Variants in CDH18 observed in about 807,000 individuals in gnomAD.
CDH18 encodes cadherin-18.
CDH18 carries 31 observed loss-of-function variants against 67.9 expected under a neutral mutation model. That is an observed-to-expected ratio of 0.46 (90% CI 0.34 to 0.62). The LOEUF is 0.62. Ranked by LOEUF, CDH18 falls within the 20% of genes least tolerant of loss-of-function variation. CDH18 has a pLI of 0.01. For missense variants in CDH18, 890 were observed against 975.5 expected (o/e 0.91, Z 1.17); for synonymous variants, 362 against 347.2 (o/e 1.04, Z -0.48).
At chr5:19,918,844 C>T (rs1264999736) in intron 2 of CDH18, among the ~76,000 whole-genome samples, 1 of 152,028 alleles carries the variant, frequency 6.6e-6, no homozygotes, top group Non-Finnish European at 1.5e-5. Flanking sequence ...AGGTGATAAG[C>T]GTGTCTTTTA....
intron 3 of CDH18, among the ~76,000 whole-genome samples, chr5:19,794,562 T>C (rs1443198964): frequency 3.3e-5 from 5 of 152,060 alleles, no homozygotes; most frequent in African/African-American, 1.2e-4. Context: ...CCTTTTTTTC[T>C]CTCCCTCTCT....
intron 2 of CDH18, among the ~76,000 whole-genome samples, chr5:19,948,014 C>T (rs1485442276): frequency 3.9e-5 from 6 of 152,026 alleles, no homozygotes; most frequent in Non-Finnish European, 8.8e-5. Context: ...ACAGTGAGTA[C>T]GTAAGCATTG....
chr5:20,421,759 A>G (rs1747879069), intron 1 of CDH18, among the ~76,000 whole-genome samples: 2 of 150,800 alleles, frequency 1.3e-5, no homozygotes, highest in South Asian at 4.1e-4. Context: ...GGAACAAAGT[A>G]AAATAATGAA....
chr5:20,152,939 A>ATTTT (rs34475393), intron 2 of CDH18, among the ~76,000 whole-genome samples: 2 of 125,894 alleles, frequency 1.6e-5, no homozygotes, highest in African/African-American at 3.0e-5. Flanking sequence ...AGGATGAGGA[A>ATTTT]TTTTTTTTTT....
At chr5:19,769,159 G>A (rs570287334) in intron 3 of CDH18, among the ~76,000 whole-genome samples, 6 of 152,078 alleles carry the variant, frequency 3.9e-5, no homozygotes, top group East Asian at 3.9e-4. Context: ...ATATAAAGCC[G>A]CAAAACTTTC....
intron 2 of CDH18, among the ~76,000 whole-genome samples, chr5:20,134,128 C>T (rs1398362035): frequency 6.6e-6 from 1 of 152,088 alleles, no homozygotes; most frequent in African/African-American, 2.4e-5. Context: ...TGTCACCACA[C>T]TAGGCTAATT....
intron 3 of CDH18, among the ~76,000 whole-genome samples, chr5:19,774,014 T>G (rs948264357): frequency 1.3e-5 from 2 of 152,178 alleles, no homozygotes; most frequent in Non-Finnish European, 2.9e-5. Flanking sequence ...ACTCTACTAT[T>G]TCTCTATATA....
intron 11 of CDH18, among the ~76,000 whole-genome samples, chr5:19,494,625 TC>T (rs1340273289): frequency 3.3e-5 from 5 of 152,190 alleles, no homozygotes; most frequent in African/African-American, 1.2e-4. Context: ...GTTCAATATG[TC>T]CTAATTCATA....
chr5:19,548,729 G>A (rs1342520149), intron 8 of CDH18, among the ~76,000 whole-genome samples: 2 of 151,290 alleles, frequency 1.3e-5, no homozygotes, highest in Non-Finnish European at 2.9e-5. Context: ...TACAATCTAG[G>A]TCTACTGAGT....
chr5:20,485,566 T>C (rs1753112209), intron 1 of CDH18, among the ~76,000 whole-genome samples: 1 of 152,136 alleles, frequency 6.6e-6, no homozygotes, highest in African/African-American at 2.4e-5. Context: ...GTTCATCTAA[T>C]AAATTTCCTC....
At chr5:20,365,089 G>A (rs1028527227) in intron 1 of CDH18, among the ~76,000 whole-genome samples, 1 of 152,152 alleles carries the variant, frequency 6.6e-6, no homozygotes, top group Non-Finnish European at 1.5e-5. Context: ...TCACAGACCG[G>A]ATGATTTAAA....
intron 6 of CDH18, among the ~76,000 whole-genome samples, chr5:19,608,163 T>G (rs10941384): frequency 6.6e-6 from 1 of 151,636 alleles, no homozygotes; most frequent in African/African-American, 2.4e-5. Context: ...AATTTACATA[T>G]GTAGAATACT....
intron 9 of CDH18, among the ~76,000 whole-genome samples, chr5:19,542,461 C>T (rs1750427835): frequency 6.6e-6 from 1 of 152,028 alleles, no homozygotes; most frequent in Non-Finnish European, 1.5e-5. Context: ...TACTTTTACA[C>T]CAATGCCTAC....
At chr5:20,329,968 C>T (rs116302711) in intron 1 of CDH18, among the ~76,000 whole-genome samples, 2,105 of 151,638 alleles carry the variant, frequency 0.014, 55 homozygotes, top group African/African-American at 0.048. Flanking sequence ...TACATTTTTC[C>T]TAGAGAGAAG....
chr5:20,149,299 C>T (rs1255503107), intron 2 of CDH18, among the ~76,000 whole-genome samples: 1 of 152,084 alleles, frequency 6.6e-6, no homozygotes, highest in Non-Finnish European at 1.5e-5. Flanking sequence ...ATTTTCCATG[C>T]CAATAAATCC....
intron 3 of CDH18, among the ~76,000 whole-genome samples, chr5:19,755,254 A>G (rs1378057512): frequency 1.3e-5 from 2 of 150,530 alleles, no homozygotes; most frequent in Admixed American, 1.3e-4. Context: ...TCGAAGAAAT[A>G]AATAAAATTG....
intron 1 of CDH18, among the ~76,000 whole-genome samples, chr5:20,429,338 G>T (rs1748563989): frequency 6.6e-6 from 1 of 152,116 alleles, no homozygotes; most frequent in South Asian, 2.1e-4. Context: ...CAGAGAGAAA[G>T]AGGAGAATAA....
At chr5:20,176,713 C>T (rs534831427) in intron 2 of CDH18, among the ~76,000 whole-genome samples, 2 of 152,098 alleles carry the variant, frequency 1.3e-5, no homozygotes, top group Non-Finnish European at 2.9e-5. Flanking sequence ...TATAATTTTA[C>T]AAGACAGATG....
intron 5 of CDH18, among the ~76,000 whole-genome samples, chr5:19,661,087 C>G (rs1478029724): frequency 6.6e-6 from 1 of 151,838 alleles, no homozygotes; most frequent in Non-Finnish European, 1.5e-5. Flanking sequence ...AACAGTAGAT[C>G]TTGTGACAAG....
Sources: allele counts gnomAD v4.1 joint callset (sites outside exome capture counted in the v4.1 genomes callset), GRCh38; gene constraint gnomAD v4.1.1; transcripts MANE v1.5; gene names NCBI Gene and HGNC (gene_info 2026-07-23, HGNC 2026-07-21).